Variants in MORF4L1 observed in about 807,000 individuals in gnomAD.
MORF4L1 encodes mortality factor 4 like 1.
Under a neutral mutation model 52.9 loss-of-function variants are expected in MORF4L1, and 4 were observed. The observed-to-expected ratio is 0.08, with a 90% CI of 0.04 to 0.17. The LOEUF (loss-of-function observed/expected upper bound fraction) is 0.17, where lower values mean the gene tolerates loss of function less well. Among genes scored for constraint, MORF4L1 ranks in the 10% least tolerant of loss-of-function variants. The pLI is 1.00. For synonymous variants in MORF4L1, 123 were observed against 134.8 expected (o/e 0.91, Z 0.61); for missense variants, 214 against 390.4 (o/e 0.55, Z 3.81).
chr15:78,893,639 C>T lies in MORF4L1; in HGVS notation c.629+12C>T, dbSNP rs539224706. On this transcript the variant is annotated intron_variant, in intron 9 of 11. Transcript: ENST00000426013. ...AACACAGATAATAAGTAAGAATATA[C>T]ATTTTTCAGATGACACTCAAAAGAC... 6.6e-6 allele frequency: 10 copies of T among 1,513,222 alleles called. No homozygotes were observed. The highest frequency in any genetic ancestry group is 4.6e-5 in the East Asian group (2 of 43,802). 93.7% of individuals were successfully genotyped at this position (1,513,222 alleles called of 1,614,324 possible). A position where few individuals can be genotyped will look rare whatever the true frequency, so the allele number is the denominator to read the frequency against.
intron 3 of MORF4L1, among the ~76,000 whole-genome samples, chr15:78,880,869 G>GTTTT (rs67358795): frequency 6.9e-6 from 1 of 144,718 alleles, no homozygotes. Flanking sequence ...ACATTTTTCT[G>GTTTT]TTTTTTTTTT....
chr15:78,881,497 TTGTGTG>T (rs3971696), intron 3 of MORF4L1, among the ~76,000 whole-genome samples: 2 of 151,356 alleles, frequency 1.3e-5, no homozygotes, highest in African/African-American at 2.4e-5. Flanking sequence ...CCCGGCCTTT[TTGTGTG>T]TGTGTGTGTG....
intron 3 of MORF4L1, among the ~76,000 whole-genome samples, chr15:78,882,124 A>G (rs1416554222): frequency 6.6e-6 from 1 of 152,218 alleles, no homozygotes; most frequent in Non-Finnish European, 1.5e-5. Context: ...GCATCCTGAC[A>G]ACTTGTGGGT....
intron 1 of MORF4L1, among the ~76,000 whole-genome samples, chr15:78,875,803 A>G (rs2056476070): frequency 3.3e-5 from 5 of 150,992 alleles, no homozygotes; most frequent in South Asian, 4.2e-4. Flanking sequence ...AAAAAAATTT[A>G]TTAATTAGAT....
At chr15:78,877,317 C>T (rs959697875) in intron 1 of MORF4L1, among the ~76,000 whole-genome samples, 3 of 152,046 alleles carry the variant, frequency 2.0e-5, no homozygotes, top group Admixed American at 2.0e-4. Context: ...GACAGGGTTT[C>T]GCCTGTTGGC....
intron 1 of MORF4L1, chr15:78,873,950 T>A (rs534321133): frequency 2.6e-5 from 4 of 152,382 alleles, no homozygotes; most frequent in South Asian, 2.1e-4. Flanking sequence ...CGTCATTTTT[T>A]AAATGCAGTA....
At chr15:78,874,583 C>CTTTTTTTTTTTT (rs56665378) in intron 1 of MORF4L1, among the ~76,000 whole-genome samples, 131 of 112,174 alleles carry the variant, frequency 1.2e-3, no homozygotes, top group African/African-American at 3.9e-3. Context: ...CTTTTTCTTT[C>CTTTTTTTTTTTT]TTTTTTTTTT....
intron 1 of MORF4L1, among the ~76,000 whole-genome samples, chr15:78,876,183 A>C (rs758999167): frequency 7.2e-5 from 11 of 152,050 alleles, no homozygotes; most frequent in Middle Eastern, 3.4e-3. Flanking sequence ...TGATCCGCCT[A>C]CTTCGCCGTC....
chr15:78,875,782 T>C (rs953814030), intron 1 of MORF4L1, among the ~76,000 whole-genome samples: 1 of 6,940 alleles, frequency 1.4e-4, no homozygotes, highest in African/African-American at 2.4e-4. Flanking sequence ...TGAGACTCCA[T>C]TTCAAAAAAA....
At chr15:78,882,769 C>G (rs2056625721) in intron 3 of MORF4L1, among the ~76,000 whole-genome samples, 1 of 152,042 alleles carries the variant, frequency 6.6e-6, no homozygotes, top group Admixed American at 6.5e-5. Flanking sequence ...TCCTCCATCT[C>G]CTGCATTTTA....
chr15:78,873,099 G>T (rs8034658), intron 1 of MORF4L1, 42 bp downstream of exon 1: 396,715 of 1,549,368 alleles, frequency 0.26, 53,170 homozygotes, highest in Non-Finnish European at 0.27. Flanking sequence ...AACGGCGCAG[G>T]AGATAGAGGC....
intron 11 of MORF4L1, 126 bp from the exon 12 acceptor site, chr15:78,896,857 G>A: frequency 1.5e-6 from 1 of 665,672 alleles, no homozygotes; most frequent in Non-Finnish European, 2.7e-6. Context: ...TTTACTGTGA[G>A]AGAATGTCTG....
chr15:78,891,487 C>T lies in MORF4L1; in HGVS notation c.353C>T (p.Pro118Leu), dbSNP rs1254031542. The T allele has an allele frequency of 3.7e-6, 6 of 1,613,704 alleles. No individual in the cohort carries two copies. The highest frequency in any genetic ancestry group is 5.1e-6 in the Non-Finnish European group (6 of 1,179,820). ...CCCTCCCCGCCAACATTTACAGCAC[C>T]TGGAAATGGAGATGGTGGCAGTACC... is the stretch of plus-strand genomic sequence containing the variant. Reference protein sequence around the residue: ...VKTKKNKQKTPGNGDGGSTSE... With the variant: ...VKTKKNKQKTLGNGDGGSTSE... Residue 118 changes from proline to leucine, a missense_variant, in exon 7 of 12, where the codon CCT becomes CTT. Physicochemically the swap from Pro to Leu is moderately conservative, Grantham distance 98. This residue lies in a region of MORF4L1 where 84 missense variants were observed against 116.3 expected (regional missense o/e 0.72). Transcript: ENST00000426013.
intron 1 of MORF4L1, among the ~76,000 whole-genome samples, chr15:78,874,812 T>C (rs1461140580): frequency 6.6e-6 from 1 of 151,782 alleles, no homozygotes; most frequent in Non-Finnish European, 1.5e-5. Flanking sequence ...CTAGACATTT[T>C]AGAGCAGATA....
At position 78,896,990 on chromosome 15, in the gene MORF4L1, G is replaced by A. The variant is rs1378609132; in HGVS notation, c.895G>A (p.Ala299Thr). Residue 299 changes from alanine to threonine, a missense_variant, in exon 12 of 12, where the codon GCA (alanine) becomes ACA (threonine). Transcript: ENST00000426013. ...TGAATATTTTATTTTTAGGTACCTG[G>A]CAAAGAATTCTGCAACTTTGTTCAG... ...NYLHDFLKYL[A>T]KNSATLFSAS... The A allele has an allele frequency of 6.2e-7, 1 of 1,612,824 alleles. No individual in the cohort carries two copies. The highest frequency in any genetic ancestry group is 2.2e-5 in the East Asian group (1 of 44,826).
At chr15:78,894,636 T>C (rs566260178) in intron 10 of MORF4L1, 184 bp from the exon 11 acceptor site, 44 of 558,316 alleles carry the variant, frequency 7.9e-5, no homozygotes, top group Non-Finnish European at 1.2e-4. Context: ...CTTGAATACC[T>C]GACCTCAAGC....
chr15:78,884,617 C>G (rs1344924936), intron 3 of MORF4L1, among the ~76,000 whole-genome samples: 31 of 130,554 alleles, frequency 2.4e-4, no homozygotes, highest in African/African-American at 9.1e-4. Flanking sequence ...CCAGCCAGGG[C>G]AACGAGAGCG....
At chr15:78,876,217 C>G (rs542071954) in intron 1 of MORF4L1, among the ~76,000 whole-genome samples, 1 of 151,450 alleles carries the variant, frequency 6.6e-6, no homozygotes, top group Non-Finnish European at 1.5e-5. Context: ...ATTACAGGTG[C>G]GAGCCACCGC....
intron 6 of MORF4L1, 32 bp downstream of exon 6, chr15:78,891,046 ATGT>A: frequency 6.8e-7 from 1 of 1,476,164 alleles, no homozygotes; most frequent in Non-Finnish European, 9.2e-7. Context: ...ACGTTAATTT[ATGT>A]TACCTCTATG....
Sources: gnomAD v4.1 joint callset for allele counts (sites outside exome capture counted in the v4.1 genomes callset) on GRCh38, gnomAD v4.1.1 for gene constraint, gnomAD v4.1.1 regional missense constraint, MANE v1.5 for transcripts, NCBI Gene and HGNC (gene_info 2026-07-23, HGNC 2026-07-21) for gene names.